The following KCNH8 variants were observed in gnomAD, a reference collection of about 807,000 sequenced individuals.
KCNH8 encodes potassium voltage-gated channel subfamily H member 8.
Under a neutral mutation model 103.6 loss-of-function variants are expected in KCNH8, and 70 were observed. The observed-to-expected ratio is 0.68, with a 90% CI of 0.56 to 0.82. The LOEUF (loss-of-function observed/expected upper bound fraction) is 0.82, where lower values mean the gene tolerates loss of function less well. KCNH8 is among the 40% of genes least tolerant of loss of function. KCNH8 has a pLI of 0.00. For missense variants in KCNH8, 1,217 were observed against 1,329.9 expected, an observed-to-expected ratio of 0.92 and a Z score of 1.32; for synonymous variants, 498 against 489.4, an observed-to-expected ratio of 1.02 and a Z score of -0.23.
chr3:19,333,723 C>T (rs1334795430), intron 3 of KCNH8, among the ~76,000 whole-genome samples: 2 of 152,102 alleles, frequency 1.3e-5, no homozygotes, highest in African/African-American at 4.8e-5. Flanking sequence ...AAATTGTAAA[C>T]TTAAGAATGT....
intron 5 of KCNH8, among the ~76,000 whole-genome samples, chr3:19,362,762 G>T (rs556875935): frequency 6.6e-6 from 1 of 152,094 alleles, no homozygotes; most frequent in Non-Finnish European, 1.5e-5. Context: ...CTCCCAGGGT[G>T]ATGCTCCTAC....
intron 1 of KCNH8, among the ~76,000 whole-genome samples, chr3:19,191,942 ATCTT>A (rs2125210377): frequency 6.6e-6 from 1 of 151,090 alleles, no homozygotes; most frequent in East Asian, 1.9e-4. Context: ...CCCATTTTTA[ATCTT>A]TCTTTTAATT....
intron 7 of KCNH8, among the ~76,000 whole-genome samples, chr3:19,397,302 A>G (rs1339724106): frequency 6.6e-6 from 1 of 151,804 alleles, no homozygotes; most frequent in Non-Finnish European, 1.5e-5. Flanking sequence ...TGGGGGCAAT[A>G]GACCTCTCCT....
intron 11 of KCNH8, among the ~76,000 whole-genome samples, chr3:19,457,694 T>C (rs554746027): frequency 6.6e-6 from 1 of 152,112 alleles, no homozygotes; most frequent in African/African-American, 2.4e-5. Context: ...CAACAAGCCT[T>C]TATATGCTGT....
At chr3:19,470,990 A>T (rs1450916217) in intron 11 of KCNH8, among the ~76,000 whole-genome samples, 3 of 152,162 alleles carry the variant, frequency 2.0e-5, no homozygotes, top group Non-Finnish European at 2.9e-5. Context: ...TACCCTGCAA[A>T]GAGATCAACC....
At chr3:19,336,980 C>G (rs1398368345) in intron 3 of KCNH8, among the ~76,000 whole-genome samples, 1 of 151,834 alleles carries the variant, frequency 6.6e-6, no homozygotes, top group Non-Finnish European at 1.5e-5. Context: ...AATAGAAGAC[C>G]CTTTCTAGCA....
Position 19,226,391 on chromosome 3 carries a change from A to G in KCNH8, c.77-27263A>G, listed in dbSNP as rs115412595. On this transcript the variant is annotated intron_variant, in intron 1 of 15. Transcript: ENST00000328405. The stretch of plus-strand genomic sequence containing the variant: ...AGTTAACAGAGACTCTCTGCCTTGA[A>G]CATTACAAGGGCATGCTTGATATTT... Among the ~76,000 whole-genome samples, 675 of 152,284 alleles carry G rather than the reference A, an allele frequency of 4.4e-3. 4 individuals are homozygous for G. Among genetic ancestry groups the G allele is most frequent in the African/African-American group, 0.016 (650 of 41,550 alleles).
At chr3:19,333,226 A>G (rs2065535366) in intron 3 of KCNH8, among the ~76,000 whole-genome samples, 1 of 152,066 alleles carries the variant, frequency 6.6e-6, no homozygotes, top group Non-Finnish European at 1.5e-5. Flanking sequence ...GAGTATTCAG[A>G]GTTCTTTATA....
intron 11 of KCNH8, among the ~76,000 whole-genome samples, chr3:19,492,808 C>G (rs1037497588): frequency 8.2e-5 from 12 of 146,308 alleles, no homozygotes; most frequent in Non-Finnish European, 1.3e-4. Flanking sequence ...TTCTTCTAGT[C>G]CTTGAGCATG....
At position 19,535,532 on chromosome 3, in the gene KCNH8, A is replaced by AT. The variant is rs2069248422; in HGVS notation, c.*1435dup. 1 of 152,140 alleles carries AT rather than the reference A, an allele frequency of 6.6e-6. No homozygotes were observed. Among genetic ancestry groups the AT allele is most frequent in the African/African-American group, 2.4e-5 (1 of 41,426 alleles). The allele number at this position is 152,140 out of a possible 1,614,324, so 9.4% of individuals were successfully genotyped here. A position where few individuals can be genotyped will look rare whatever the true frequency, so the allele number is the denominator to read the frequency against. ...TATGTTTTAGAACAGTTACAGTCTA[A>AT]TTGTCTTGGACATTTTGGGAAGATA... On this transcript the variant is annotated 3_prime_UTR_variant, in exon 16 of 16. Transcript: ENST00000328405.
chr3:19,331,689 G>T (rs2065512309), intron 3 of KCNH8, among the ~76,000 whole-genome samples: 1 of 152,068 alleles, frequency 6.6e-6, no homozygotes, highest in Non-Finnish European at 1.5e-5. Flanking sequence ...AGTCACATCA[G>T]GGTAAATGGA....
At chr3:19,469,737 T>C (rs1002216603) in intron 11 of KCNH8, among the ~76,000 whole-genome samples, 1 of 152,196 alleles carries the variant, frequency 6.6e-6, no homozygotes, top group South Asian at 2.1e-4. Flanking sequence ...TTTATGTTCA[T>C]GGTATTGAGG....
intron 3 of KCNH8, among the ~76,000 whole-genome samples, chr3:19,321,276 A>G (rs2065346624): frequency 6.6e-6 from 1 of 151,538 alleles, no homozygotes; most frequent in East Asian, 1.9e-4. Context: ...GCGACCTTAG[A>G]TTGTCTATTT....
intron 11 of KCNH8, among the ~76,000 whole-genome samples, chr3:19,497,769 T>C (rs759003987): frequency 2.5e-4 from 38 of 152,270 alleles, no homozygotes; most frequent in Non-Finnish European, 4.6e-4. Flanking sequence ...TATTCAAGTA[T>C]TGAATTCAGG....
chr3:19,429,368 G>T (rs2067083977), intron 7 of KCNH8, among the ~76,000 whole-genome samples: 1 of 151,472 alleles, frequency 6.6e-6, no homozygotes, highest in Non-Finnish European at 1.5e-5. Flanking sequence ...TAGAGACAGG[G>T]TTTCACCATG....
intron 1 of KCNH8, among the ~76,000 whole-genome samples, chr3:19,243,621 G>A (rs1341267790): frequency 6.6e-6 from 1 of 152,112 alleles, no homozygotes; most frequent in Non-Finnish European, 1.5e-5. Flanking sequence ...AACTTAAATG[G>A]AGAAAGGTCA....
intron 7 of KCNH8, among the ~76,000 whole-genome samples, chr3:19,400,586 TCC>T (rs1163417072): frequency 6.6e-6 from 1 of 151,968 alleles, no homozygotes; most frequent in Admixed American, 6.6e-5. Flanking sequence ...AGCAAGCGTA[TCC>T]ATTGCAGATG....
At chr3:19,199,648 T>C (rs913720156) in intron 1 of KCNH8, among the ~76,000 whole-genome samples, 4 of 151,088 alleles carry the variant, frequency 2.6e-5, no homozygotes, top group East Asian at 1.9e-4. Context: ...CAAAATGATA[T>C]ATGTTTTTAA....
At chr3:19,262,562 G>A (rs2064451350) in intron 2 of KCNH8, among the ~76,000 whole-genome samples, 1 of 151,940 alleles carries the variant, frequency 6.6e-6, no homozygotes, top group South Asian at 2.1e-4. Flanking sequence ...TAGGTAATGG[G>A]CTCATAGCAT....
Sources: allele counts gnomAD v4.1 joint callset (sites outside exome capture counted in the v4.1 genomes callset), GRCh38; gene constraint gnomAD v4.1.1; transcripts MANE v1.5; gene names NCBI Gene and HGNC (gene_info 2026-07-23, HGNC 2026-07-21).